The following TNFSF4 variants were observed in gnomAD, a reference collection of about 807,000 sequenced individuals.
The protein encoded by TNFSF4 is tumor necrosis factor ligand superfamily member 4.
TNFSF4 carries 4 observed loss-of-function variants against 7.3 expected under a neutral mutation model. The ratio of observed to expected loss-of-function variants is 0.55; its 90% confidence interval spans 0.27 to 1.25. TNFSF4 has a LOEUF of 1.25. Ranked by LOEUF, TNFSF4 falls within the 50% of genes most tolerant of loss-of-function variation. The pLI is 0.12. For missense variants in TNFSF4, 181 were observed against 208.8 expected, an observed-to-expected ratio of 0.87 and a Z score of 0.82; for synonymous variants, 76 against 83.7, an observed-to-expected ratio of 0.91 and a Z score of 0.50.
the TNFSF4 span, among the ~76,000 whole-genome samples, chr1:173,297,373 A>T: frequency 6.6e-6 from 1 of 151,912 alleles, no homozygotes; most frequent in Non-Finnish European, 1.5e-5. Context: ...AAGTAAAGTC[A>T]AGTTTCACAG....
the TNFSF4 span, among the ~76,000 whole-genome samples, chr1:173,283,566 T>C: frequency 1.3e-5 from 2 of 152,124 alleles, no homozygotes; most frequent in African/African-American, 4.8e-5. Flanking sequence ...CAGCCAAGAA[T>C]TGTAGACTAT....
chr1:173,259,424 G>A, the TNFSF4 span, among the ~76,000 whole-genome samples: 1 of 152,200 alleles, frequency 6.6e-6, no homozygotes, highest in Non-Finnish European at 1.5e-5. Context: ...CAAAAAGCCA[G>A]AGTGCCTCTT....
the TNFSF4 span, among the ~76,000 whole-genome samples, chr1:173,296,471 T>C: frequency 6.6e-6 from 1 of 150,962 alleles, no homozygotes; most frequent in African/African-American, 2.4e-5. Flanking sequence ...AAATACAGAG[T>C]TTTCATAGTA....
chr1:173,215,152 C>T, the TNFSF4 span, among the ~76,000 whole-genome samples: 1 of 152,152 alleles, frequency 6.6e-6, no homozygotes, highest in Non-Finnish European at 1.5e-5. Flanking sequence ...AGCCATCTCT[C>T]TCTCCACCAA....
At chr1:173,370,610 T>C in the TNFSF4 span, among the ~76,000 whole-genome samples, 2 of 152,196 alleles carry the variant, frequency 1.3e-5, no homozygotes, top group Non-Finnish European at 2.9e-5. Flanking sequence ...TGAGGGTCAA[T>C]TGATCCTAAA....
At chr1:173,409,853 G>A in the TNFSF4 span, among the ~76,000 whole-genome samples, 1 of 152,204 alleles carries the variant, frequency 6.6e-6, no homozygotes, top group Non-Finnish European at 1.5e-5. Context: ...CATGCTTCCT[G>A]ATCTAGGCTC....
chr1:173,207,327 G>A lies in TNFSF4; in HGVS notation c.-151C>T. The A allele has an allele frequency of 1.7e-6, 1 of 601,370 alleles. No homozygotes were observed. Among genetic ancestry groups the A allele is most frequent in the Non-Finnish European group, 2.7e-6 (1 of 375,938 alleles). 37.3% of individuals were successfully genotyped at this position (601,370 alleles called of 1,614,324 possible). ...GGTCCCAGGGCCAGAGATAAAAGGCGATTGAAAGAGCAAAGCGGACTCTCT... is the reference window on the plus strand; with the variant it reads ...GGTCCCAGGGCCAGAGATAAAAGGCAATTGAAAGAGCAAAGCGGACTCTCT... On this transcript the variant is annotated 5_prime_UTR_variant, in exon 1 of 3. Transcript: ENST00000281834.
At chr1:173,337,220 C>T in the TNFSF4 span, among the ~76,000 whole-genome samples, 1,140 of 152,240 alleles carry the variant, frequency 7.5e-3, 6 homozygotes, top group Middle Eastern at 0.034. Flanking sequence ...GATAACTTCT[C>T]TTATTGAGAA....
chr1:173,215,319 G>A, the TNFSF4 span, among the ~76,000 whole-genome samples: 57 of 152,132 alleles, frequency 3.7e-4, no homozygotes, highest in African/African-American at 1.3e-3. Context: ...GTGTCTTATG[G>A]CAGCCCAAGC....
At chr1:173,273,551 G>C in the TNFSF4 span, among the ~76,000 whole-genome samples, 1 of 152,058 alleles carries the variant, frequency 6.6e-6, no homozygotes, top group Non-Finnish European at 1.5e-5. Flanking sequence ...TTTGATAAGT[G>C]TTATTGAGAT....
At position 173,193,088 on chromosome 1, in the gene TNFSF4, TC is replaced by T. The variant is rs201740864; in HGVS notation, c.154-4520del. Among the ~76,000 whole-genome samples the T allele has an allele frequency of 1.1e-3, 160 of 152,272 alleles. 6 individuals carry two copies. The South Asian group carries it at 0.02, about 19-fold the overall frequency. On this transcript the variant is annotated intron_variant, in intron 1 of 2. Transcript: ENST00000281834. ...AAAGTTATCATATCAGTGCTCTGAC[TC>T]CCTGTACCTCAGAGAAACAATACAA...
At chr1:173,426,371 G>A in the TNFSF4 span, among the ~76,000 whole-genome samples, 1 of 152,160 alleles carries the variant, frequency 6.6e-6, no homozygotes, top group Admixed American at 6.5e-5. Context: ...GAGATACCTT[G>A]TTTCCATGGC....
At chr1:173,223,456 A>C in the TNFSF4 span, among the ~76,000 whole-genome samples, 14 of 151,452 alleles carry the variant, frequency 9.2e-5, no homozygotes, top group East Asian at 1.9e-4. Context: ...CCGCCCCCCC[A>C]AAAAAAATAA....
the TNFSF4 span, among the ~76,000 whole-genome samples, chr1:173,237,230 G>A: frequency 8.7e-4 from 133 of 152,270 alleles, 3 homozygotes; most frequent in East Asian, 0.023. Context: ...TCTCTGGTGT[G>A]TCTTTATTAG....
the TNFSF4 span, among the ~76,000 whole-genome samples, chr1:173,414,192 A>C: frequency 6.6e-6 from 1 of 152,196 alleles, no homozygotes; most frequent in African/African-American, 2.4e-5. Context: ...TTCTGGAAGT[A>C]AGAAGTCTAA....
the TNFSF4 span, chr1:173,363,207 A>G: frequency 7.1e-6 from 2 of 282,022 alleles, no homozygotes; most frequent in South Asian, 4.2e-5. Context: ...GGCTCCAAAC[A>G]TGTCTTTGAT....
chr1:173,244,364 C>T, the TNFSF4 span, among the ~76,000 whole-genome samples: 3 of 152,080 alleles, frequency 2.0e-5, no homozygotes, highest in Admixed American at 6.5e-5. Flanking sequence ...TAAACCCGGC[C>T]GGGCGCGGTG....
the TNFSF4 span, among the ~76,000 whole-genome samples, chr1:173,396,644 A>G: frequency 6.6e-6 from 1 of 152,202 alleles, no homozygotes; most frequent in Non-Finnish European, 1.5e-5. Flanking sequence ...AGGGCTCTAC[A>G]TTTTTGTTGA....
chr1:173,343,145 C>T, the TNFSF4 span, among the ~76,000 whole-genome samples: 1 of 152,044 alleles, frequency 6.6e-6, no homozygotes, highest in Non-Finnish European at 1.5e-5. Context: ...TTTCTATGTG[C>T]CAGCACTCAT....
Sources: allele counts gnomAD v4.1 joint callset (sites outside exome capture counted in the v4.1 genomes callset), GRCh38; gene constraint gnomAD v4.1.1; transcripts MANE v1.5; gene names NCBI Gene and HGNC (gene_info 2026-07-23, HGNC 2026-07-21).